Variants in PAK3 observed in about 807,000 individuals in gnomAD.
PAK3 encodes the protein serine/threonine-protein kinase PAK 3.
A neutral mutation model predicts 41.0 loss-of-function variants in PAK3; 4 were observed. The ratio of observed to expected loss-of-function variants is 0.10; its 90% CI spans 0.05 to 0.22. The LOEUF (loss-of-function observed/expected upper bound fraction) is 0.22, where lower values mean the gene tolerates loss of function less well. PAK3 is among the 10% of genes least tolerant of loss of function. PAK3 has a pLI of 1.00. For missense variants in PAK3, 205 were observed against 409.9 expected (o/e 0.50, Z 4.32); for synonymous variants, 146 against 139.6 (o/e 1.05, Z -0.32).
chrX:111,107,196 G>T (rs2093284019), intron 4 of PAK3, among the ~76,000 whole-genome samples: 1 of 111,850 alleles, frequency 8.9e-6, no homozygotes, highest in Non-Finnish European at 1.9e-5. Context: ...CATGGAAAGG[G>T]CAGGCCTGCT....
chrX:110,984,799 C>T (rs1243115943), intron 1 of PAK3, among the ~76,000 whole-genome samples: 1 of 110,766 alleles, frequency 9.0e-6, no homozygotes, highest in Non-Finnish European at 1.9e-5. Context: ...ATCTCAACTC[C>T]AACCAATCTC....
chrX:111,186,602 G>T (rs184146122), intron 11 of PAK3, among the ~76,000 whole-genome samples: 8 of 111,336 alleles, frequency 7.2e-5, no homozygotes, highest in Admixed American at 5.7e-4. Context: ...TCTTCAAGGA[G>T]AACTACAAAC....
At chrX:110,958,677 T>C (rs943356367) in intron 1 of PAK3, among the ~76,000 whole-genome samples, 3 of 111,925 alleles carry the variant, frequency 2.7e-5, no homozygotes, top group Non-Finnish European at 3.8e-5. Flanking sequence ...TCCTGTGCCA[T>C]ATTCAGTCTA....
intron 11 of PAK3, among the ~76,000 whole-genome samples, chrX:111,188,712 C>T (rs142741004): frequency 0.045 from 4,983 of 111,447 alleles, 289 homozygotes; most frequent in African/African-American, 0.15. Flanking sequence ...ATAATAGCAG[C>T]TACCATATAG....
intron 10 of PAK3, among the ~76,000 whole-genome samples, chrX:111,169,850 G>A (rs1168741331): frequency 8.9e-6 from 1 of 111,816 alleles, no homozygotes; most frequent in Non-Finnish European, 1.9e-5. Context: ...GTTCTAGTGG[G>A]GAAGTGGTAA....
intron 1 of PAK3, among the ~76,000 whole-genome samples, chrX:110,971,688 C>G (rs967776641): frequency 2.1e-4 from 23 of 111,954 alleles, no homozygotes; most frequent in African/African-American, 6.5e-4. Flanking sequence ...TTAATGATGT[C>G]CAGTAGTTTA....
intron 8 of PAK3, among the ~76,000 whole-genome samples, chrX:111,157,177 T>A (rs73541117): frequency 0.026 from 2,913 of 111,477 alleles, 100 homozygotes; most frequent in African/African-American, 0.087. Flanking sequence ...CCAGAGTAGA[T>A]CTGGAGTAGA....
chrX:110,959,085 A>C (rs1485725531), intron 1 of PAK3, among the ~76,000 whole-genome samples: 1 of 112,203 alleles, frequency 8.9e-6, no homozygotes, highest in Non-Finnish European at 1.9e-5. Context: ...TGCTCTGCAG[A>C]ATACCCTTCA....
chrX:111,095,862 G>A (rs999142774), upstream of PAK3, among the ~76,000 whole-genome samples: 2 of 111,197 alleles, frequency 1.8e-5, no homozygotes, highest in African/African-American at 6.6e-5. Flanking sequence ...ATTCTCCTGA[G>A]GGGAGCAATT....
At chrX:111,011,167 G>C (rs1277103230) in intron 1 of PAK3, among the ~76,000 whole-genome samples, 1 of 111,516 alleles carries the variant, frequency 9.0e-6, no homozygotes, top group Non-Finnish European at 1.9e-5. Flanking sequence ...CCAAAGAAGA[G>C]AGAGGCTGCA....
chrX:111,041,760 C>T lies in PAK3; in HGVS notation c.-27-81317C>T, dbSNP rs1277205523. On this transcript the variant is annotated intron_variant, in intron 1 of 14. Coordinates refer to the PAK3 transcript ENST00000425146. ...ATGTATCCAGGACTTGCCTTTCCTT[C>T]AAGACCTGTCTTAAGCCTCAGTTTC... 4.5e-5 allele frequency among the ~76,000 whole-genome samples: 5 copies of T among 110,903 alleles called. No homozygotes were observed. The Admixed American group carries it at 4.8e-4, about 11-fold the overall frequency.
chrX:111,196,545 G>A lies in PAK3; in HGVS notation c.1312G>A (p.Ala438Thr), dbSNP rs2094614472. The change falls in exon 16 of 18, where the codon GCT becomes ACT. Residue 438 changes from alanine to threonine, a missense_variant. Physicochemically the swap from Ala to Thr is moderately conservative, Grantham distance 58 (BLOSUM62 0). Transcript: ENST00000372007. ...WMAPEVVTRK[A>T]YGPKVDIWSL... ...GGCACCTGAGGTGGTGACTCGAAAAGCTTATGGTCCGAAAGTTGATATCTG... is the reference window on the plus strand; with the variant it reads ...GGCACCTGAGGTGGTGACTCGAAAAACTTATGGTCCGAAAGTTGATATCTG... The A allele has an allele frequency of 8.3e-7, 1 of 1,202,935 alleles. No individual in the cohort carries two copies. The highest frequency in any genetic ancestry group is 1.8e-5 in the African/African-American group (1 of 57,021).
chrX:111,149,445 C>T (rs1368413608), intron 7 of PAK3, among the ~76,000 whole-genome samples: 2 of 112,437 alleles, frequency 1.8e-5, no homozygotes, highest in Admixed American at 9.4e-5. Flanking sequence ...CCCTTCTGCA[C>T]TGCCCTAGCA....
In PAK3 at chrX:111,125,943, A is replaced by C. The variant is rs1386844252; in HGVS notation, c.175+2665A>C. ...CATACAGAACTGCTAAGGTGTCTTC[A>C]AAAAGGACTTGAGAAGATGAAAGCA... On this transcript the variant is annotated intron_variant, in intron 5 of 17. Transcript: ENST00000372007. Among the ~76,000 whole-genome samples the C allele has an allele frequency of 3.6e-5, 4 of 112,018 alleles. No individual in the cohort carries two copies. In the Admixed American group the frequency reaches 3.8e-4, roughly 11 times the overall value.
At chrX:111,020,559 TCAGA>T (rs1358827145) in intron 1 of PAK3, among the ~76,000 whole-genome samples, 1 of 111,392 alleles carries the variant, frequency 9.0e-6, no homozygotes, top group Non-Finnish European at 1.9e-5. Flanking sequence ...CAGCTCCCAC[TCAGA>T]CAGACAGAGC....
At chrX:111,156,887 A>T (rs2094113506) in intron 8 of PAK3, among the ~76,000 whole-genome samples, 1 of 111,810 alleles carries the variant, frequency 8.9e-6, no homozygotes, top group Non-Finnish European at 1.9e-5. Flanking sequence ...AAAATTTCAT[A>T]TTTTTATCGT....
upstream of PAK3, among the ~76,000 whole-genome samples, chrX:111,093,528 A>G (rs991785879): frequency 2.7e-5 from 3 of 112,190 alleles, no homozygotes; most frequent in Non-Finnish European, 5.6e-5. Context: ...TCCCTTCCTG[A>G]GATCTCCCAT....
In PAK3 at chrX:111,224,377, A is replaced by G. The variant is rs1569477933; in HGVS notation, c.*3930A>G. On this transcript the variant is annotated 3_prime_UTR_variant, in exon 18 of 18. Transcript: ENST00000372007. ...AGATATTGCCTTTCTGGAACGTTTT[A>G]ACAGACTCTCAGGTTGAATTTTGGA... is the stretch of plus-strand genomic sequence containing the variant. The G allele has an allele frequency of 9.0e-6, 1 of 111,487 alleles. No homozygotes were observed. Among genetic ancestry groups the G allele is most frequent in the East Asian group, 2.8e-4 (1 of 3,553 alleles). The allele number at this position is 111,487 out of a possible 1,213,427, so 9.2% of individuals were successfully genotyped here.
chrX:111,220,945 C>CAAAAAAAAAAAAA lies in PAK3; in HGVS notation c.*503_*515dup. 7 of 49,413 alleles carry CAAAAAAAAAAAAA rather than the reference C, an allele frequency of 1.4e-4. No individual in the cohort carries two copies. The highest frequency in any genetic ancestry group is 5.1e-4 in the African/African-American group (6 of 11,733). The allele number at this position is 49,413 out of a possible 1,213,427, so 4.1% of individuals were successfully genotyped here. On this transcript the variant is annotated 3_prime_UTR_variant, in exon 18 of 18. Coordinates refer to ENST00000372007, the MANE Select transcript of PAK3 (RefSeq NM_002578.5). ...AAAAAAGAAAGCAAAAAAAGCAAGG[C>CAAAAAAAAAAAAA]AAAAAAAAAAAAAAAAACAAACAAA...
Sources: allele counts gnomAD v4.1 joint callset (sites outside exome capture counted in the v4.1 genomes callset), GRCh38; gene constraint gnomAD v4.1.1; transcripts MANE v1.5; gene names NCBI Gene and HGNC (gene_info 2026-07-23, HGNC 2026-07-21).